FAM167A: variants seen among roughly 807,000 people sequenced by gnomAD.
The protein encoded by FAM167A is family with sequence similarity 167 member A.
FAM167A carries 23 observed loss-of-function variants against 14.9 expected under a neutral mutation model. The ratio of observed to expected loss-of-function variants is 1.55; its 90% confidence interval spans 1.11 to 2.19. FAM167A has a LOEUF of 2.19. FAM167A is among the 30% of genes most tolerant of loss of function. FAM167A has a pLI of 0.00. For synonymous variants in FAM167A, 174 were observed against 117.7 expected, an observed-to-expected ratio of 1.48 and a Z score of -3.10; for missense variants, 401 against 281.5, an observed-to-expected ratio of 1.42 and a Z score of -3.04.
chr8:11,443,954 C>T lies in FAM167A; in HGVS notation c.381+77G>A, dbSNP rs145574054. On this transcript the variant is annotated intron_variant, in intron 2 of 2. Transcript: ENST00000284486. ...TACATGGTGGGGGTGGGGAGACAGA[C>T]AGAGAGAGACAGAAAAAGACACAGA... The T allele has an allele frequency of 2.6e-6, 4 of 1,511,734 alleles. No individual in the cohort carries two copies. The South Asian group carries it at 3.9e-5, about 15-fold the overall frequency. 93.6% of individuals were successfully genotyped at this position (1,511,734 alleles called of 1,614,324 possible).
intron 2 of FAM167A, among the ~76,000 whole-genome samples, chr8:11,429,317 A>G (rs531418589): frequency 2.0e-5 from 3 of 152,326 alleles, no homozygotes; most frequent in South Asian, 2.1e-4. Context: ...TGCAATGAAG[A>G]TATGTCTTTG....
upstream of FAM167A, among the ~76,000 whole-genome samples, chr8:11,471,309 C>T (rs141035464): frequency 1.7e-3 from 260 of 152,252 alleles, 2 homozygotes; most frequent in African/African-American, 5.6e-3. Flanking sequence ...CAGGGCTCGG[C>T]GCAACTGCAA....
At chr8:11,436,983 C>T (rs867978857) in intron 2 of FAM167A, among the ~76,000 whole-genome samples, 2 of 152,184 alleles carry the variant, frequency 1.3e-5, no homozygotes, top group South Asian at 2.1e-4. Flanking sequence ...CCTGCGCCTC[C>T]AAAGGGAAGT....
At chr8:11,451,323 C>T (rs931875807) in intron 1 of FAM167A, among the ~76,000 whole-genome samples, 2 of 152,246 alleles carry the variant, frequency 1.3e-5, no homozygotes, top group Non-Finnish European at 2.9e-5. Context: ...CAGCTGGGCC[C>T]CGTGGGAAGC....
intron 1 of FAM167A, among the ~76,000 whole-genome samples, chr8:11,447,316 G>T (rs1385885335): frequency 6.6e-6 from 1 of 152,054 alleles, no homozygotes. Flanking sequence ...CGAGTAGCTG[G>T]GGTTACAGGC....
rs189581057 is a variant in FAM167A at position 11,461,307 on chromosome 8, T to C, written c.-398+5319A>G. On this transcript the variant is annotated intron_variant, in intron 1 of 2. Transcript: ENST00000284486. The stretch of plus-strand genomic sequence containing the variant: ...GAGATGGGGAGGGGGAAAGTAGCCA[T>C]GGGAAAAAAAGAGAAGGATGTGGTT... Among the ~76,000 whole-genome samples, 171 of 152,152 alleles carry C rather than the reference T, an allele frequency of 1.1e-3. No homozygotes were observed. The Middle Eastern group carries it at 0.02, about 18-fold the overall frequency.
chr8:11,439,728 G>A (rs1380821586), intron 2 of FAM167A, among the ~76,000 whole-genome samples: 2 of 152,184 alleles, frequency 1.3e-5, no homozygotes, highest in South Asian at 2.1e-4. Context: ...TTAGGAAGCC[G>A]GAAGGTTTTG....
At chr8:11,469,505 C>T (rs1414998187), upstream of FAM167A, among the ~76,000 whole-genome samples, 1 of 152,160 alleles carries the variant, frequency 6.6e-6, no homozygotes, top group South Asian at 2.1e-4. Context: ...GTTTTCTTTC[C>T]GTTGGTGCAT....
chr8:11,459,882 C>T (rs918255931), intron 1 of FAM167A, among the ~76,000 whole-genome samples: 1 of 152,172 alleles, frequency 6.6e-6, no homozygotes, highest in Non-Finnish European at 1.5e-5. Flanking sequence ...CACCCACCAC[C>T]ACACCTGGCT....
intron 2 of FAM167A, among the ~76,000 whole-genome samples, chr8:11,433,068 G>A (rs1397200649): frequency 6.6e-6 from 1 of 152,102 alleles, no homozygotes; most frequent in Non-Finnish European, 1.5e-5. Context: ...CTGTTGGGGG[G>A]TAGGGAGGGA....
intron 1 of FAM167A, among the ~76,000 whole-genome samples, chr8:11,473,752 C>T (rs762948122): frequency 6.6e-6 from 1 of 152,182 alleles, no homozygotes; most frequent in East Asian, 1.9e-4. Context: ...CCAAGAGCTA[C>T]CATGAAGTTC....
chr8:11,432,807 C>A (rs1805705430), intron 2 of FAM167A, among the ~76,000 whole-genome samples: 1 of 152,182 alleles, frequency 6.6e-6, no homozygotes, highest in Admixed American at 6.5e-5. Flanking sequence ...AGACTTAGAA[C>A]CAACCCAAAT....
intron 2 of FAM167A, among the ~76,000 whole-genome samples, chr8:11,443,354 G>A (rs1239030794): frequency 1.3e-5 from 2 of 152,226 alleles, no homozygotes; most frequent in Non-Finnish European, 2.9e-5. Context: ...CCGCGCTGCG[G>A]TCCCAGCTCA....
chr8:11,421,680 C>G lies in FAM167A; in HGVS notation c.*2693G>C. 1 of 399,006 alleles carries G rather than the reference C, an allele frequency of 2.5e-6. No individual in the cohort carries two copies. Among genetic ancestry groups the G allele is most frequent in the Non-Finnish European group, 4.4e-6 (1 of 226,056 alleles). The allele number at this position is 399,006 out of a possible 1,614,324, so 24.7% of individuals were successfully genotyped here. ...CAGGCCCTCCAGGCCTCTTTGATAG[C>G]TACTGAGCCCCTGAAGGCATCAAGA... On this transcript the variant is annotated 3_prime_UTR_variant, in exon 3 of 3. Coordinates refer to ENST00000284486, the MANE Select transcript of FAM167A (RefSeq NM_053279.3).
At chr8:11,442,874 T>G (rs1806524928) in intron 2 of FAM167A, among the ~76,000 whole-genome samples, 1 of 152,120 alleles carries the variant, frequency 6.6e-6, no homozygotes, top group African/African-American at 2.4e-5. Context: ...CAAACAGGCT[T>G]CCAATTAATC....
At chr8:11,435,956 T>G (rs1303491516) in intron 2 of FAM167A, among the ~76,000 whole-genome samples, 1 of 152,172 alleles carries the variant, frequency 6.6e-6, no homozygotes, top group Admixed American at 6.5e-5. Flanking sequence ...TCAGTTACGT[T>G]TTTACTTCCC....
upstream of FAM167A, among the ~76,000 whole-genome samples, chr8:11,467,057 G>C (rs1183958604): frequency 6.6e-6 from 1 of 152,198 alleles, no homozygotes; most frequent in Non-Finnish European, 1.5e-5. Flanking sequence ...ACGTGACTGC[G>C]CCACTGTCAG....
At chr8:11,436,535 C>CT (rs1382057680) in intron 2 of FAM167A, among the ~76,000 whole-genome samples, 1 of 152,138 alleles carries the variant, frequency 6.6e-6, no homozygotes, top group Admixed American at 6.5e-5. Flanking sequence ...AAGACACCCC[C>CT]TAGCAGGGGC....
At chr8:11,427,018 T>C (rs1486000689) in intron 2 of FAM167A, among the ~76,000 whole-genome samples, 1 of 152,204 alleles carries the variant, frequency 6.6e-6, no homozygotes, top group East Asian at 1.9e-4. Context: ...GGTACAGGTC[T>C]GGGGGCCCAA....
Sources: allele counts gnomAD v4.1 joint callset (sites outside exome capture counted in the v4.1 genomes callset), GRCh38; gene constraint gnomAD v4.1.1; transcripts MANE v1.5; gene names NCBI Gene and HGNC (gene_info 2026-07-23, HGNC 2026-07-21).